The following MAGEB16 variants were observed in gnomAD, a reference collection of about 807,000 sequenced individuals.
MAGEB16 encodes melanoma-associated antigen B16.
For synonymous variants in MAGEB16, 95 were observed against 92.1 expected, an observed-to-expected ratio of 1.03 and a Z score of -0.18; for missense variants, 217 against 234.0, an observed-to-expected ratio of 0.93 and a Z score of 0.47.
chrX:35,802,246 A>C lies in MAGEB16; in HGVS notation c.50A>C (p.Gln17Pro), dbSNP rs1449507697. ...CGATGCACACATGATCAGCACCTTCAGACCTTCAGTGAGACCCAGAGCCTG... is the reference window on the plus strand; with the variant it reads ...CGATGCACACATGATCAGCACCTTCCGACCTTCAGTGAGACCCAGAGCCTG... The change falls in exon 2 of 2, where the codon CAG (glutamine) becomes CCG (proline). Residue 17 changes from glutamine (Q) to proline (P), a missense_variant. By Grantham distance (76) the Gln-to-Pro change is moderately conservative. Coordinates refer to ENST00000399988, the Ensembl canonical transcript of MAGEB16. The C allele has an allele frequency of 3.3e-6, 4 of 1,209,459 alleles. No individual in the cohort carries two copies. In the African/African-American group the frequency reaches 7.0e-5, roughly 21 times the overall value.
chrX:35,802,114 C>G lies in MAGEB16; in HGVS notation c.-66-17C>G. ...TTTACCAGCTGAGGACATTTACACC[C>G]TTTCTCTCTCCCTTAGGCAGTGATT... On this transcript the variant is annotated splice_polypyrimidine_tract_variant and intron_variant, in intron 1 of 1. Coordinates refer to ENST00000399988, the Ensembl canonical transcript of MAGEB16. 1 of 1,150,056 alleles carries G rather than the reference C, an allele frequency of 8.7e-7. No homozygotes were observed. The allele number at this position is 1,150,056 out of a possible 1,213,427, so 94.8% of individuals were successfully genotyped here. A position where few individuals can be genotyped will look rare whatever the true frequency, so the allele number is the denominator to read the frequency against.
At chrX:35,799,070 G>A (rs1284605373) in intron 1 of MAGEB16, among the ~76,000 whole-genome samples, 1 of 102,156 alleles carries the variant, frequency 9.8e-6, no homozygotes, top group Non-Finnish European at 2.0e-5. Flanking sequence ...TTTTAGTAGA[G>A]ACGGGGTTTC....
intron 1 of MAGEB16, 74 bp from the exon 2 acceptor site, chrX:35,802,057 C>G: frequency 1.4e-6 from 1 of 695,898 alleles, no homozygotes; most frequent in Non-Finnish European, 2.1e-6. Context: ...AGTCTATAGG[C>G]AGTGGCTTCC....
In MAGEB16 at chrX:35,802,079, C is replaced by T. The variant is rs996516547; in HGVS notation, c.-66-52C>T. ...AGGCAGTGGCTTCCATCAGAGCTACCGCAGTTGAGTTTACCAGCTGAGGAC... is the reference window on the plus strand; with the variant it reads ...AGGCAGTGGCTTCCATCAGAGCTACTGCAGTTGAGTTTACCAGCTGAGGAC... On this transcript the variant is annotated intron_variant, in intron 1 of 1. Coordinates refer to ENST00000399988, the Ensembl canonical transcript of MAGEB16. The T allele has an allele frequency of 5.3e-6, 5 of 934,712 alleles. No individual in the cohort carries two copies. In the African/African-American group the frequency reaches 5.8e-5, roughly 11 times the overall value. 77.0% of individuals were successfully genotyped at this position (934,712 alleles called of 1,213,427 possible). A position where few individuals can be genotyped will look rare whatever the true frequency, so the allele number is the denominator to read the frequency against.
At chrX:35,802,338 G>A in exon 2 of MAGEB16, 2 of 1,210,052 alleles carry the variant, frequency 1.7e-6, no homozygotes, top group Non-Finnish European at 1.1e-6. Context: ...TCTAGTGCCT[G>A]GCAAACTGAA....
chrX:35,800,486 C>T, intron 1 of MAGEB16: 1 of 524,488 alleles, frequency 1.9e-6, no homozygotes. Flanking sequence ...ACAGTTGCCA[C>T]AGGGAGATGA....
exon 2 of MAGEB16, chrX:35,803,012 A>G (rs751489855): frequency 1.2e-5 from 14 of 1,212,169 alleles, no homozygotes; most frequent in Non-Finnish European, 1.6e-5. Context: ...ATCCTGCACG[A>G]TATGAATTCC....
intron 1 of MAGEB16, 86 bp from the exon 2 acceptor site, chrX:35,802,045 G>A (rs762688309): frequency 1.7e-6 from 1 of 597,767 alleles, no homozygotes; most frequent in Admixed American, 3.8e-5. Flanking sequence ...GCTGTCAGGA[G>A]AAGTCTATAG....
At chrX:35,798,991 T>C (rs1569183442) in intron 1 of MAGEB16, 1 of 113,317 alleles carries the variant, frequency 8.8e-6, no homozygotes, top group Non-Finnish European at 1.9e-5. Context: ...CTGCCTCAGC[T>C]TCCTGAGTAG....
intron 1 of MAGEB16, among the ~76,000 whole-genome samples, chrX:35,800,140 TAGCATAAGGAGGGAACATCAGGCC>T (rs1479050191): frequency 9.0e-6 from 1 of 111,283 alleles, no homozygotes; most frequent in African/African-American, 3.3e-5. Flanking sequence ...GGTGAATCTT[TAGCATAAGGAGGGAACATCAGGCC>T]AGCAGAGAGG....
Position 35,802,500 on chromosome X carries a change from A to G in MAGEB16, c.304A>G (p.Thr102Ala). 3.3e-6 allele frequency: 4 copies of G among 1,210,928 alleles called. No homozygotes were observed. Among genetic ancestry groups the G allele is most frequent in the East Asian group, 5.9e-5 (2 of 33,810 alleles). The change falls in exon 2 of 2, where the codon ACA becomes GCA. Residue 102 changes from threonine to alanine, a missense_variant. Thr to Ala is a moderately conservative substitution (Grantham distance 58). Transcript: ENST00000399988. ...AGATAGTCCAAGCTCCTCAGAGGAT[A>G]CATCAGACCCCAGGAATGTGCCCGC...
chrX:35,799,141 C>T (rs1351025797), intron 1 of MAGEB16, among the ~76,000 whole-genome samples: 3 of 108,743 alleles, frequency 2.8e-5, no homozygotes, highest in African/African-American at 1.0e-4. Context: ...CTCGGCCTTC[C>T]AAAGTGCTGG....
chrX:35,803,518 T>C (rs5973489), exon 2 of MAGEB16: 4,374 of 161,490 alleles, frequency 0.027, 219 homozygotes, highest in African/African-American at 0.12. Flanking sequence ...GTGGCATATG[T>C]TTTGCTGATT....
chrX:35,802,170 T>C (rs762511364), exon 2 of MAGEB16: 3 of 1,210,430 alleles, frequency 2.5e-6, no homozygotes, highest in Non-Finnish European at 3.4e-6. Flanking sequence ...TCCACACTCC[T>C]GCCTACTGCC....
At chrX:35,801,819 G>A (rs758220916) in intron 1 of MAGEB16, among the ~76,000 whole-genome samples, 7 of 112,731 alleles carry the variant, frequency 6.2e-5, no homozygotes, top group Non-Finnish European at 1.1e-4. Context: ...GCCCTATCAG[G>A]TGCCAAGTTA....
At chrX:35,802,085 T>G in intron 1 of MAGEB16, 46 bp from the exon 2 acceptor site, 101 of 1,007,286 alleles carry the variant, frequency 1.0e-4, no homozygotes, top group Non-Finnish European at 1.3e-4. Flanking sequence ...CTACCGCAGT[T>G]GAGTTTACCA....
chrX:35,803,116 C>T (rs200406989), exon 2 of MAGEB16: 1 of 1,205,032 alleles, frequency 8.3e-7, no homozygotes, highest in Non-Finnish European at 1.1e-6. Context: ...TCTTTCCCAT[C>T]TCAGTATGCG....
In MAGEB16 at chrX:35,803,025, TG is replaced by T; in HGVS notation, c.833del (p.Gly278AlafsTer11). ...TGATCCTGCACGATATGAATTCCTGTGGGGCCCAAGAGCCAAAGCTGAAACC... is the reference window on the plus strand; with the variant it reads ...TGATCCTGCACGATATGAATTCCTGTGGGCCCAAGAGCCAAAGCTGAAACC... On this transcript the variant is annotated frameshift_variant, in exon 2 of 2. Transcript: ENST00000399988. LOFTEE classifies it low-confidence loss of function (END_TRUNC). The T allele has an allele frequency of 8.3e-7, 1 of 1,212,051 alleles. No homozygotes were observed. Among genetic ancestry groups the T allele is most frequent in the East Asian group, 3.0e-5 (1 of 33,833 alleles).
At chrX:35,802,152 C>A in exon 2 of MAGEB16, 1 of 1,203,779 alleles carries the variant, frequency 8.3e-7, no homozygotes, top group Non-Finnish European at 1.1e-6. Context: ...TCATTGCCTG[C>A]CCTCCTGTCC....
Sources: allele counts gnomAD v4.1 joint callset (sites outside exome capture counted in the v4.1 genomes callset), GRCh38; gene constraint gnomAD v4.1.1; transcripts MANE v1.5; gene names NCBI Gene and HGNC (gene_info 2026-07-23, HGNC 2026-07-21).